PET117: variants seen among roughly 807,000 people sequenced by gnomAD.
PET117 encodes PET117 cytochrome c oxidase chaperone.
In PET117, 10 loss-of-function variants were observed where a neutral mutation model predicts 9.2. The observed-to-expected ratio is 1.09, with a 90% CI of 0.67 to 1.85. The LOEUF is 1.85. Ranked by LOEUF, PET117 falls within the 40% of genes most tolerant of loss-of-function variation. PET117 has a pLI of 0.00. For missense variants in PET117, 96 were observed against 98.2 expected (o/e 0.98, Z 0.09); for synonymous variants, 43 against 37.1 (o/e 1.16, Z -0.57).
In PET117 at chr20:18,137,980, C is replaced by T. The variant is rs1257575654; in HGVS notation, c.25C>T (p.Leu9=). Residue 9 remains leucine (L), a synonymous_variant, in exon 1 of 2, where the codon CTG becomes TTG. Coordinates refer to ENST00000432901, the MANE Select transcript of PET117 (RefSeq NM_001164811.2). MSRSSKVV[L]GLSVLLTAAT... ...GATGTCTAGGAGCTCGAAGGTGGTG[C>T]TGGGCCTCTCGGTGCTGCTGACGGC... The T allele has an allele frequency of 2.0e-6, 3 of 1,505,914 alleles. No homozygotes were observed. The highest frequency in any genetic ancestry group is 1.2e-5 in the South Asian group (1 of 80,784). 93.3% of individuals were successfully genotyped at this position (1,505,914 alleles called of 1,614,324 possible).
chr20:18,138,207 C>A, intron 1 of PET117, 156 bp downstream of exon 1: 1 of 1,265,310 alleles, frequency 7.9e-7, no homozygotes, highest in Non-Finnish European at 9.9e-7. Context: ...CTGCGGCCGG[C>A]GGCCGCTCTG....
chr20:18,140,103 C>G (rs894071723), intron 1 of PET117, among the ~76,000 whole-genome samples: 1 of 151,846 alleles, frequency 6.6e-6, no homozygotes, highest in African/African-American at 2.4e-5. Context: ...CATAAGCACA[C>G]GTGACATCTC....
rs2037619462 is a variant in PET117, at chr20:18,142,343, T to G, written c.232T>G (p.Ser78Ala). 2 of 1,536,150 alleles carry G rather than the reference T, an allele frequency of 1.3e-6. No individual in the cohort carries two copies. Among genetic ancestry groups the G allele is most frequent in the African/African-American group, 2.7e-5 (2 of 73,004 alleles). The change falls in exon 2 of 2, where the codon TCT becomes GCT. Residue 78 changes from serine (S) to alanine (A), a missense_variant. Coordinates refer to ENST00000432901, the MANE Select transcript of PET117 (RefSeq NM_001164811.2). Reference protein sequence around the residue: ...EREKMLLAKGSQKS With the variant: ...EREKMLLAKGAQKS ...AGAGAAGATGTTATTGGCAAAAGGA[T>G]CTCAAAAATCATGACTTGAATGTGA...
rs913731477 is a variant in PET117 at position 18,142,598 on chromosome 20, G to T, written c.*241G>T. ...GTGATCCTGGTAGAAGCCCCATTAG[G>T]GTCACTGTCCAGTGCTTAGGGTTGT... On this transcript the variant is annotated 3_prime_UTR_variant, in exon 2 of 2. Transcript: ENST00000432901. 3.1e-6 allele frequency: 5 copies of T among 1,597,734 alleles called. No individual in the cohort carries two copies. The African/African-American group carries it at 6.7e-5, about 21-fold the overall frequency.
At chr20:18,141,044 TTTA>T (rs1380217824) in intron 1 of PET117, among the ~76,000 whole-genome samples, 204 of 34,894 alleles carry the variant, frequency 5.8e-3, no homozygotes, top group African/African-American at 0.014. Context: ...TTTTTTTTTT[TTTA>T]TTTTTATTTT....
intron 1 of PET117, chr20:18,138,255 C>T: frequency 1.6e-6 from 2 of 1,234,524 alleles, no homozygotes. Context: ...CGGGCGTGTG[C>T]AGCCCGCAGA....
chr20:18,138,585 C>G (rs944140486), intron 1 of PET117: 6 of 423,278 alleles, frequency 1.4e-5, no homozygotes, highest in African/African-American at 1.3e-4. Context: ...CGTACTCACT[C>G]TCCATGCCTT....
Position 18,142,491 on chromosome 20 carries a change from G to A in PET117, c.*134G>A. 6.9e-7 allele frequency: 1 copy of A among 1,456,280 alleles called. No individual in the cohort carries two copies. The highest frequency in any genetic ancestry group is 9.0e-7 in the Non-Finnish European group (1 of 1,108,820). The allele number at this position is 1,456,280 out of a possible 1,614,324, so 90.2% of individuals were successfully genotyped here. A position where few individuals can be genotyped will look rare whatever the true frequency, so the allele number is the denominator to read the frequency against. On this transcript the variant is annotated 3_prime_UTR_variant, in exon 2 of 2. Coordinates refer to ENST00000432901, the MANE Select transcript of PET117 (RefSeq NM_001164811.2). ...AACTTGATCAAATAAAGGACAGTGG[G>A]TCATATAAGTTACTGCTTTCAGGGT...
At chr20:18,138,181 C>T (rs1370407230) in intron 1 of PET117, 130 bp downstream of exon 1, 3 of 1,289,112 alleles carry the variant, frequency 2.3e-6, no homozygotes, top group Non-Finnish European at 9.8e-7. Flanking sequence ...CGGCCCTGCA[C>T]CCCACGCGTT....
At chr20:18,141,033 T>C (rs2037535923) in intron 1 of PET117, among the ~76,000 whole-genome samples, 1 of 18,342 alleles carries the variant, frequency 5.5e-5, no homozygotes. Context: ...ATTTTTTTTT[T>C]TTTTTTTTTT....
intron 1 of PET117, chr20:18,138,448 G>A: frequency 2.0e-6 from 2 of 996,154 alleles, no homozygotes; most frequent in South Asian, 4.7e-5. Flanking sequence ...ATAGAAGGTG[G>A]GGAAGGAGTT....
chr20:18,137,882 G>A lies in PET117; in HGVS notation c.-74G>A, dbSNP rs1344134120. 78 of 1,390,836 alleles carry A rather than the reference G, an allele frequency of 5.6e-5. No individual in the cohort carries two copies. The highest frequency in any genetic ancestry group is 6.9e-5 in the Non-Finnish European group (74 of 1,068,140). 86.2% of individuals were successfully genotyped at this position (1,390,836 alleles called of 1,614,324 possible). ...GGGGTCGAGCCTGGGCAGTACAGGC[G>A]GCGGTGCGCACTCTGCGGCGGCCTC... On this transcript the variant is annotated 5_prime_UTR_variant, in exon 1 of 2. Coordinates refer to ENST00000432901, the MANE Select transcript of PET117 (RefSeq NM_001164811.2).
In PET117 at chr20:18,138,953, A is replaced by G. The variant is rs181225490; in HGVS notation, c.96+902A>G. Among the ~76,000 whole-genome samples, 1,092 of 152,324 alleles carry G rather than the reference A, an allele frequency of 7.2e-3. 8 individuals carry two copies. Among genetic ancestry groups the G allele is most frequent in the Non-Finnish European group, 9.8e-3 (667 of 68,032 alleles). On this transcript the variant is annotated intron_variant, in intron 1 of 1. Coordinates refer to ENST00000432901, the MANE Select transcript of PET117 (RefSeq NM_001164811.2). Reference sequence around the variant, plus strand: ...GTGAATTTTCAGAAAACAACTTGGCAGTGATTGGGGTTGAACCTAGTTCAC... The same window carrying G: ...GTGAATTTTCAGAAAACAACTTGGCGGTGATTGGGGTTGAACCTAGTTCAC...
chr20:18,142,413 T>C lies in PET117; in HGVS notation c.*56T>C. Reference sequence around the variant, plus strand: ...ACACGAGTTTGTGTGTGTGTGTTGATGGAGAGTAGCTTAGTAGTATCTTCA... The same window carrying C: ...ACACGAGTTTGTGTGTGTGTGTTGACGGAGAGTAGCTTAGTAGTATCTTCA... On this transcript the variant is annotated 3_prime_UTR_variant, in exon 2 of 2. Coordinates refer to ENST00000432901, the MANE Select transcript of PET117 (RefSeq NM_001164811.2). 6.6e-7 allele frequency: 1 copy of C among 1,507,652 alleles called. No individual in the cohort carries two copies. Among genetic ancestry groups the C allele is most frequent in the Non-Finnish European group, 8.8e-7 (1 of 1,131,604 alleles). The allele number at this position is 1,507,652 out of a possible 1,614,324, so 93.4% of individuals were successfully genotyped here.
rs2037649599 is a variant in PET117 at position 18,143,035 on chromosome 20, A to G, written c.*678A>G. The stretch of plus-strand genomic sequence containing the variant: ...CCTAAATAAAAGGATAATTATATTT[A>G]TTCTCTAGTTGATCAGCTATAAATT... On this transcript the variant is annotated 3_prime_UTR_variant, in exon 2 of 2. Transcript: ENST00000432901. 1.4e-6 allele frequency: 2 copies of G among 1,452,134 alleles called. No individual in the cohort carries two copies. The highest frequency in any genetic ancestry group is 1.8e-6 in the Non-Finnish European group (2 of 1,103,090). The allele number at this position is 1,452,134 out of a possible 1,614,324, so 90.0% of individuals were successfully genotyped here.
At chr20:18,140,964 C>T (rs1400153985) in intron 1 of PET117, among the ~76,000 whole-genome samples, 1 of 148,248 alleles carries the variant, frequency 6.7e-6, no homozygotes, top group Admixed American at 6.7e-5. Context: ...CTGAGGTGAT[C>T]CTATCACCTC....
intron 1 of PET117, 129 bp from the exon 2 acceptor site, chr20:18,142,079 A>G: frequency 1.1e-6 from 1 of 941,686 alleles, no homozygotes; most frequent in Non-Finnish European, 1.5e-6. Context: ...AAATTAAAAT[A>G]GTAACTGGGT....
At chr20:18,141,542 G>C (rs2037579958) in intron 1 of PET117, among the ~76,000 whole-genome samples, 1 of 152,188 alleles carries the variant, frequency 6.6e-6, no homozygotes, top group Non-Finnish European at 1.5e-5. Context: ...GAGTGTTACT[G>C]TAGTAACTCG....
Position 18,142,704 on chromosome 20 carries a change from A to G in PET117, c.*347A>G. On this transcript the variant is annotated 3_prime_UTR_variant, in exon 2 of 2. Transcript: ENST00000432901. Reference sequence around the variant, plus strand: ...CTGAGTAGTCTGATCAGTCGGCATGATGACGAAGCCACGAGAACATCGACC... The same window carrying G: ...CTGAGTAGTCTGATCAGTCGGCATGGTGACGAAGCCACGAGAACATCGACC... 3.1e-6 allele frequency: 5 copies of G among 1,614,218 alleles called. No homozygotes were observed. Among genetic ancestry groups the G allele is most frequent in the Non-Finnish European group, 4.2e-6 (5 of 1,180,050 alleles).
Sources: allele counts gnomAD v4.1 joint callset (sites outside exome capture counted in the v4.1 genomes callset), GRCh38; gene constraint gnomAD v4.1.1; transcripts MANE v1.5; gene names NCBI Gene and HGNC (gene_info 2026-07-23, HGNC 2026-07-21).